Variants in NINL observed in about 807,000 individuals in gnomAD.
NINL encodes ninein-like protein.
NINL carries 153 observed loss-of-function variants against 160.3 expected under a neutral mutation model. The observed-to-expected ratio is 0.95, with a 90% CI of 0.84 to 1.09. The LOEUF (loss-of-function observed/expected upper bound fraction) is 1.09, where lower values mean the gene tolerates loss of function less well. Ranked by LOEUF, NINL falls within the 50% of genes least tolerant of loss-of-function variation. The probability of loss-of-function intolerance (pLI) is 0.00; values close to 1 mark genes in which losing one functional copy is unlikely to be tolerated. For synonymous variants in NINL, 800 were observed against 734.8 expected, an observed-to-expected ratio of 1.09 and a Z score of -1.43; for missense variants, 1,829 against 1,764.0, an observed-to-expected ratio of 1.04 and a Z score of -0.66.
chr20:25,460,012 G>A (rs11087521), intron 21 of NINL, among the ~76,000 whole-genome samples: 58,289 of 151,928 alleles, frequency 0.38, 12,727 homozygotes, highest in East Asian at 0.92. Flanking sequence ...TGTCCTTCCC[G>A]TGGAGAGGGC....
intron 1 of NINL, among the ~76,000 whole-genome samples, chr20:25,561,417 C>G (rs968536072): frequency 3.0e-4 from 45 of 152,236 alleles, no homozygotes; most frequent in Non-Finnish European, 6.2e-4. Context: ...CCTTGGCCCC[C>G]CAAAGTGCCG....
intron 1 of NINL, among the ~76,000 whole-genome samples, chr20:25,540,946 T>TTA (rs1555875400): frequency 6.6e-6 from 1 of 151,938 alleles, no homozygotes; most frequent in Admixed American, 6.6e-5. Flanking sequence ...TTTTTTTTTT[T>TTA]ATCAAATAAG....
In NINL at chr20:25,578,476, G is replaced by A. The variant is rs73337391; in HGVS notation, c.-12+6979C>T. On this transcript the variant is annotated intron_variant, in intron 1 of 23. Transcript: ENST00000278886. ...CAAAAAGCAAAGCACAATTCATTAA[G>A]TCCTTAATACTCTTGCTTAAAAATG... 6.5e-3 allele frequency among the ~76,000 whole-genome samples: 992 copies of A among 152,138 alleles called. 16 individuals carry two copies. Among genetic ancestry groups the A allele is most frequent in the African/African-American group, 0.023 (950 of 41,514 alleles).
At position 25,563,338 on chromosome 20, in the gene NINL, C is replaced by T. The variant is rs78013731; in HGVS notation, c.-12+22117G>A. ...TTTCTACATTCCACTTCAAGTGGCA[C>T]AATATTATTTCTAAGTAAACAAAGT... On this transcript the variant is annotated intron_variant, in intron 1 of 23. Coordinates refer to ENST00000278886, the MANE Select transcript of NINL (RefSeq NM_025176.6). 5.2e-3 allele frequency among the ~76,000 whole-genome samples: 795 copies of T among 152,234 alleles called. 10 individuals carry two copies. The highest frequency in any genetic ancestry group is 0.018 in the African/African-American group (764 of 41,516).
intron 2 of NINL, among the ~76,000 whole-genome samples, chr20:25,524,922 T>TAC (rs1390578784): frequency 2.8e-5 from 4 of 142,582 alleles, no homozygotes; most frequent in Non-Finnish European, 4.5e-5. Flanking sequence ...TATATATATA[T>TAC]ATGTGTGTGT....
intron 1 of NINL, among the ~76,000 whole-genome samples, chr20:25,537,742 T>C (rs955207760): frequency 2.6e-5 from 4 of 152,124 alleles, no homozygotes; most frequent in Admixed American, 1.3e-4. Flanking sequence ...GAGGAACCTG[T>C]AAACGAGCTT....
chr20:25,510,829 G>A, intron 4 of NINL, 89 bp from the exon 5 acceptor site: 1 of 984,658 alleles, frequency 1.0e-6, no homozygotes, highest in East Asian at 2.4e-5. Flanking sequence ...GGATGTTTGG[G>A]GAAGTGGGGG....
At chr20:25,545,481 C>A (rs1329051539) in intron 1 of NINL, among the ~76,000 whole-genome samples, 12 of 151,940 alleles carry the variant, frequency 7.9e-5, no homozygotes. Flanking sequence ...CTGAGCCCCC[C>A]CCCATTATCT....
In NINL at chr20:25,503,970, C is replaced by G; in HGVS notation, c.843G>C (p.Lys281Asn). The stretch of plus-strand genomic sequence containing the variant: ...ATTTTACCTGGTAATGAGACCAAGC[C>G]TTGCTCGGTTTAACCCGAGTGGAAG... ...LESSTRVKPS[K>N]AWSHYQVPEE... Residue 281 changes from lysine (K) to asparagine (N), a missense_variant, in exon 7 of 24, where the codon AAG becomes AAC. Transcript: ENST00000278886. The G allele has an allele frequency of 6.2e-7, 1 of 1,614,164 alleles. No homozygotes were observed. The highest frequency in any genetic ancestry group is 1.3e-5 in the African/African-American group (1 of 75,048).
Position 25,476,442 on chromosome 20 carries a change from GCGTCTCTCT to G in NINL, c.2840_2848del (p.Glu947_Asp949del), listed in dbSNP as rs752537304. Reference sequence around the variant, plus strand: ...CCACATCCGTGGCTGGGTTTGCGAGGCGTCTCTCTCTGTTCCCAGCAGAGGCAGCTCCCG... The same window carrying G: ...CCACATCCGTGGCTGGGTTTGCGAGGCTGTTCCCAGCAGAGGCAGCTCCCG... On this transcript the variant is annotated inframe_deletion, in exon 17 of 24. Transcript: ENST00000278886. The G allele has an allele frequency of 2.5e-5, 41 of 1,608,752 alleles. No individual in the cohort carries two copies. The highest frequency in any genetic ancestry group is 1.6e-4 in the Middle Eastern group (1 of 6,076).
chr20:25,489,494 G>C (rs2146667020), intron 12 of NINL, among the ~76,000 whole-genome samples, 170 bp from the exon 13 acceptor site: 1 of 151,888 alleles, frequency 6.6e-6, no homozygotes, highest in East Asian at 1.9e-4. Context: ...CGTCTAGAAG[G>C]TCACAAGACA....
At chr20:25,480,127 C>A (rs1279755312) in intron 15 of NINL, 34 bp downstream of exon 15, 2 of 1,500,164 alleles carry the variant, frequency 1.3e-6, no homozygotes, top group East Asian at 4.5e-5. Flanking sequence ...AGCAGCTACT[C>A]CCCCAGGGCC....
chr20:25,544,943 G>C (rs1049165554), intron 1 of NINL, among the ~76,000 whole-genome samples: 1 of 152,212 alleles, frequency 6.6e-6, no homozygotes, highest in Non-Finnish European at 1.5e-5. Flanking sequence ...ATTTAACTGA[G>C]CTGAGGAGGA....
chr20:25,547,409 C>T (rs1417791780), intron 1 of NINL, among the ~76,000 whole-genome samples: 1 of 152,156 alleles, frequency 6.6e-6, no homozygotes, highest in Non-Finnish European at 1.5e-5. Context: ...GATCAACCCC[C>T]AGAGATGGTC....
At chr20:25,529,812 G>A (rs1239189306) in intron 1 of NINL, among the ~76,000 whole-genome samples, 3 of 152,138 alleles carry the variant, frequency 2.0e-5, no homozygotes, top group Admixed American at 6.5e-5. Context: ...CTGCACTCCA[G>A]CCTCAGCAAC....
At chr20:25,581,617 T>C (rs150896984) in intron 1 of NINL, among the ~76,000 whole-genome samples, 1 of 152,260 alleles carries the variant, frequency 6.6e-6, no homozygotes, top group Non-Finnish European at 1.5e-5. Flanking sequence ...TATTGGCAAA[T>C]AAAAGTGGGA....
intron 1 of NINL, among the ~76,000 whole-genome samples, chr20:25,567,439 G>A (rs140598048): frequency 2.0e-3 from 312 of 152,196 alleles, no homozygotes; most frequent in African/African-American, 6.9e-3. Context: ...CCAAAAAATC[G>A]AGGCCGAGGC....
At chr20:25,481,251 G>A (rs1432458314) in intron 14 of NINL, among the ~76,000 whole-genome samples, 3 of 152,048 alleles carry the variant, frequency 2.0e-5, no homozygotes, top group Non-Finnish European at 2.9e-5. Context: ...TGGGGCTGCT[G>A]GGTCCCCATG....
chr20:25,519,037 C>CA (rs1196412809), intron 2 of NINL, among the ~76,000 whole-genome samples: 1 of 143,936 alleles, frequency 6.9e-6, no homozygotes, highest in Admixed American at 7.4e-5. Flanking sequence ...GCGGAGGTTG[C>CA]AGTGAGCCGA....
Sources: gnomAD v4.1 joint callset for allele counts (sites outside exome capture counted in the v4.1 genomes callset) on GRCh38, gnomAD v4.1.1 for gene constraint, MANE v1.5 for transcripts, NCBI Gene and HGNC (gene_info 2026-07-23, HGNC 2026-07-21) for gene names.